Variants in PARD3 observed in about 807,000 individuals in gnomAD.
PARD3 encodes par-3 family cell polarity regulator.
A neutral mutation model predicts 155.4 loss-of-function variants in PARD3; 75 were observed. That is an observed-to-expected ratio of 0.48 (90% CI 0.40 to 0.58). The LOEUF (loss-of-function observed/expected upper bound fraction) is 0.58, where lower values mean the gene tolerates loss of function less well. PARD3 is among the 20% of genes least tolerant of loss of function. The pLI, the probability that PARD3 is intolerant of heterozygous loss-of-function variation, is 0.00. For synonymous variants in PARD3, 576 were observed against 610.5 expected (o/e 0.94, Z 0.83); for missense variants, 1,642 against 1,721.7 (o/e 0.95, Z 0.82).
intron 14 of PARD3, among the ~76,000 whole-genome samples, chr10:34,352,792 C>CT (rs1171991231): frequency 1.8e-4 from 27 of 152,326 alleles, no homozygotes; most frequent in Middle Eastern, 6.8e-3. Context: ...AGGAGCCTCT[C>CT]TGCCTGGTCG....
At chr10:34,191,654 G>C (rs1274475) in intron 22 of PARD3, among the ~76,000 whole-genome samples, 6 of 150,068 alleles carry the variant, frequency 4.0e-5, no homozygotes, top group East Asian at 2.0e-4. Flanking sequence ...GGGTGGGGGT[G>C]GGGGTGAAGA....
At position 34,521,587 on chromosome 10, in the gene PARD3, T is replaced by C. The variant is rs542144204; in HGVS notation, c.223-4428A>G. Reference sequence around the variant, plus strand: ...AATTATTAATCTCTCTTCTGTTCCATTCATCTATCAAGTCTCCATGAGAAA... The same window carrying C: ...AATTATTAATCTCTCTTCTGTTCCACTCATCTATCAAGTCTCCATGAGAAA... On this transcript the variant is annotated intron_variant, in intron 2 of 24. Coordinates refer to ENST00000374788, the MANE Select transcript of PARD3 (RefSeq NM_001184785.2). 3.9e-5 allele frequency among the ~76,000 whole-genome samples: 6 copies of C among 152,332 alleles called. 1 individual carries two copies. Among genetic ancestry groups the C allele is most frequent in the African/African-American group, 1.4e-4 (6 of 41,586 alleles).
chr10:34,169,291 G>A (rs573507287), intron 22 of PARD3, among the ~76,000 whole-genome samples: 1 of 152,250 alleles, frequency 6.6e-6, no homozygotes, highest in South Asian at 2.1e-4. Context: ...AAAATATAGA[G>A]CACAGTGAAA....
At chr10:34,682,748 C>T (rs532686627) in intron 2 of PARD3, among the ~76,000 whole-genome samples, 28 of 152,090 alleles carry the variant, frequency 1.8e-4, no homozygotes, top group African/African-American at 6.5e-4. Flanking sequence ...AAAAGCCAGG[C>T]ATGGTGATGC....
At chr10:34,718,769 C>T (rs2094560336) in intron 1 of PARD3, among the ~76,000 whole-genome samples, 1 of 152,138 alleles carries the variant, frequency 6.6e-6, no homozygotes, top group Non-Finnish European at 1.5e-5. Flanking sequence ...TCGAGACCAG[C>T]CTGACCAACA....
chr10:34,435,595 A>G (rs913859998), intron 5 of PARD3, among the ~76,000 whole-genome samples: 1 of 152,220 alleles, frequency 6.6e-6, no homozygotes, highest in African/African-American at 2.4e-5. Flanking sequence ...TATCTTAAGA[A>G]GGTGTGCTTT....
intron 23 of PARD3, among the ~76,000 whole-genome samples, chr10:34,121,626 C>A (rs1477575065): frequency 2.0e-5 from 3 of 152,204 alleles, no homozygotes; most frequent in African/African-American, 7.2e-5. Flanking sequence ...AATCAAGCAT[C>A]ATCTATTGTT....
At chr10:34,767,921 C>CAA (rs1050955199) in intron 1 of PARD3, among the ~76,000 whole-genome samples, 3 of 140,570 alleles carry the variant, frequency 2.1e-5, no homozygotes, top group Non-Finnish European at 4.6e-5. Context: ...GACTCTGTCT[C>CAA]AAAAAAAAAA....
chr10:34,638,623 C>T (rs1009820246), intron 2 of PARD3, among the ~76,000 whole-genome samples: 4 of 152,226 alleles, frequency 2.6e-5, no homozygotes, highest in African/African-American at 9.6e-5. Context: ...TGCTCACTCA[C>T]AAACTGGCAG....
intron 7 of PARD3, among the ~76,000 whole-genome samples, chr10:34,392,123 G>T (rs747524104): frequency 3.6e-4 from 55 of 152,082 alleles, no homozygotes; most frequent in Non-Finnish European, 6.8e-4. Context: ...GACAGAGTGA[G>T]ACCCTGTCTC....
chr10:34,807,838 A>G (rs1345374499), intron 1 of PARD3, among the ~76,000 whole-genome samples: 2 of 152,204 alleles, frequency 1.3e-5, no homozygotes, highest in East Asian at 1.9e-4. Flanking sequence ...GCAAGGACCA[A>G]TATGAGTTGA....
intron 20 of PARD3, among the ~76,000 whole-genome samples, chr10:34,314,041 G>A (rs1400293373): frequency 3.3e-5 from 5 of 152,206 alleles, no homozygotes; most frequent in South Asian, 4.1e-4. Flanking sequence ...CTTGCAAACC[G>A]TACTAAGAAA....
In PARD3 at chr10:34,272,204, CTT is replaced by C. The variant is rs1043078395; in HGVS notation, c.3177-2307_3177-2306del. On this transcript the variant is annotated intron_variant, in intron 21 of 24. Transcript: ENST00000374788. ...TAAATGTAAATGTAAAAGTATAAAA[CTT>C]AAGAAAAAATGTAAGGGATTCTTTA... Among the ~76,000 whole-genome samples, 8 of 152,192 alleles carry C rather than the reference CTT, an allele frequency of 5.3e-5. No individual in the cohort carries two copies. The South Asian group carries it at 6.2e-4, about 12-fold the overall frequency.
At chr10:34,140,876 C>CT (rs781769158) in intron 22 of PARD3, among the ~76,000 whole-genome samples, 4 of 152,058 alleles carry the variant, frequency 2.6e-5, no homozygotes, top group African/African-American at 7.2e-5. Context: ...ACAAGGGCCG[C>CT]TTTTTTTGTG....
chr10:34,309,771 G>T (rs1280070494), intron 20 of PARD3, among the ~76,000 whole-genome samples: 14 of 107,850 alleles, frequency 1.3e-4, no homozygotes, highest in Non-Finnish European at 2.2e-4. Flanking sequence ...CCCCCAAGAA[G>T]AAAAGAGTAG....
At chr10:34,790,415 C>G (rs1279062954) in intron 1 of PARD3, among the ~76,000 whole-genome samples, 1 of 152,320 alleles carries the variant, frequency 6.6e-6, no homozygotes, top group African/African-American at 2.4e-5. Flanking sequence ...AGCAGAGTAA[C>G]TGAAAGTGAC....
chr10:34,140,972 ACT>A (rs975060518), intron 22 of PARD3, among the ~76,000 whole-genome samples: 7 of 152,196 alleles, frequency 4.6e-5, no homozygotes, highest in Middle Eastern at 3.4e-3. Flanking sequence ...GTAAGTCTAA[ACT>A]CTCTTTTCCA....
chr10:34,563,823 C>A (rs539975030), intron 2 of PARD3, among the ~76,000 whole-genome samples: 1 of 151,976 alleles, frequency 6.6e-6, no homozygotes, highest in Non-Finnish European at 1.5e-5. Context: ...GATACCACAC[C>A]GAATCCATGT....
intron 22 of PARD3, among the ~76,000 whole-genome samples, chr10:34,228,241 G>C (rs2490774): frequency 6.6e-6 from 1 of 151,822 alleles, no homozygotes; most frequent in Admixed American, 6.6e-5. Context: ...GGGAACAATA[G>C]ACACCGGGGC....
Sources: gnomAD v4.1 joint callset for allele counts (sites outside exome capture counted in the v4.1 genomes callset) on GRCh38, gnomAD v4.1.1 for gene constraint, MANE v1.5 for transcripts, NCBI Gene and HGNC (gene_info 2026-07-23, HGNC 2026-07-21) for gene names.